CHD3: variants seen among roughly 807,000 people sequenced by gnomAD.
CHD3 encodes ATP-dependent chromatin remodeler CHD3.
Under a neutral mutation model 248.9 loss-of-function variants are expected in CHD3, and 52 were observed. The ratio of observed to expected loss-of-function variants is 0.21; its 90% CI spans 0.17 to 0.26. CHD3 has a LOEUF of 0.26. CHD3 is among the 10% of genes least tolerant of loss of function. The pLI is 1.00. For missense variants in CHD3, 1,482 were observed against 2,605.8 expected (o/e 0.57, Z 9.39); for synonymous variants, 985 against 985.2 (o/e 1.00, Z 0.00).
At chr17:7,902,841 T>G (rs1254761331) in intron 21 of CHD3, 96 bp from the exon 22 acceptor site, 1 of 1,581,808 alleles carries the variant, frequency 6.3e-7, no homozygotes, top group African/African-American at 1.4e-5. Flanking sequence ...AGGCTTTGAG[T>G]TGGGGGCATG....
intron 19 of CHD3, 94 bp from the exon 20 acceptor site, chr17:7,901,150 G>T: frequency 6.6e-7 from 1 of 1,522,608 alleles, no homozygotes; most frequent in Non-Finnish European, 8.8e-7. Context: ...ACATGTGGAA[G>T]CTGGATCCGG....
Position 7,904,750 on chromosome 17 carries a change from C to T in CHD3, c.4072+131C>T. On this transcript the variant is annotated intron_variant, in intron 25 of 39. Transcript: ENST00000330494. The surrounding 1 kb of genome is among the most constrained non-coding windows in gnomAD (Gnocchi z 4.4). ...GCCTTCCTCTGCTAAAAGGGAAAGA[C>T]ATAAGGTAGAGTCATTAGGAACTAC... 1.1e-6 allele frequency: 1 copy of T among 914,204 alleles called. No individual in the cohort carries two copies. Among genetic ancestry groups the T allele is most frequent in the South Asian group, 1.8e-5 (1 of 56,072 alleles). 56.6% of individuals were successfully genotyped at this position (914,204 alleles called of 1,614,324 possible). A position where few individuals can be genotyped will look rare whatever the true frequency, so the allele number is the denominator to read the frequency against.
In CHD3 at chr17:7,889,681, C is replaced by G. The variant is rs1481323439; in HGVS notation, c.118C>G (p.Leu40Val). 6.2e-7 allele frequency: 1 copy of G among 1,612,854 alleles called. No individual in the cohort carries two copies. Among genetic ancestry groups the G allele is most frequent in the East Asian group, 2.2e-5 (1 of 44,870 alleles). ...DRMPDKDDIR[L>V]LPSALGVKKR... ...CTTCAAAGATAAGGATGACATTCGG[C>G]TGCTGCCGTCAGCATTGGGTGTGAA... is the stretch of plus-strand genomic sequence containing the variant. Residue 40 changes from leucine (L) to valine (V), a missense_variant, in exon 2 of 40, where the codon CTG becomes GTG. Physicochemically the swap from Leu to Val is conservative, Grantham distance 32. Around this residue, in one of 20 missense-constraint regions of CHD3, gnomAD observed 169 missense variants for 168.1 expected, o/e 1.01. Transcript: ENST00000330494. This position sits in a 1 kb window ranked among gnomAD's most constrained non-coding sequence, Gnocchi z 4.5.
In CHD3 at chr17:7,907,498, T is replaced by A; in HGVS notation, c.4924+10T>A. 6.3e-7 allele frequency: 1 copy of A among 1,579,888 alleles called. No individual in the cohort carries two copies. The highest frequency in any genetic ancestry group is 8.6e-7 in the Non-Finnish European group (1 of 1,165,722). On this transcript the variant is annotated intron_variant, in intron 32 of 39. Transcript: ENST00000330494. This position sits in a 1 kb window ranked among gnomAD's most constrained non-coding sequence, Gnocchi z 4.3. ...GACAGAGAGAAGTCAGGTGGGTGCA[T>A]GGCCTTAGGAGTGATGGGGGATTAG... is the stretch of plus-strand genomic sequence containing the variant.
In CHD3 at chr17:7,909,580, C is replaced by T. The variant is rs1459681161; in HGVS notation, c.5590+242C>T. The T allele has an allele frequency of 6.9e-6, 4 of 576,922 alleles. No individual in the cohort carries two copies. The highest frequency in any genetic ancestry group is 3.3e-5 in the Admixed American group (1 of 29,936). 35.7% of individuals were successfully genotyped at this position (576,922 alleles called of 1,614,324 possible). On this transcript the variant is annotated intron_variant, in intron 37 of 39. Transcript: ENST00000330494. This position sits in a 1 kb window ranked among gnomAD's most constrained non-coding sequence, Gnocchi z 8.1. ...ATCCGTGCCCAATAGAGGGACCTGC[C>T]CCAGCCTCTGTGTCCCCTCCACACA...
In CHD3 at chr17:7,912,112, A is replaced by C. The variant is rs1187191719; in HGVS notation, c.*527A>C. 1.7e-5 allele frequency: 4 copies of C among 234,616 alleles called. No individual in the cohort carries two copies. Among genetic ancestry groups the C allele is most frequent in the Non-Finnish European group, 3.4e-5 (4 of 118,120 alleles). 14.5% of individuals were successfully genotyped at this position (234,616 alleles called of 1,614,324 possible). Reference sequence around the variant, plus strand: ...GGGTGGCTGCATGTTACCGTCCCCTACCTCTCCCCACGTGGAGGGTGGAGC... The same window carrying C: ...GGGTGGCTGCATGTTACCGTCCCCTCCCTCTCCCCACGTGGAGGGTGGAGC... On this transcript the variant is annotated 3_prime_UTR_variant, in exon 40 of 40. Transcript: ENST00000330494.
In CHD3 at chr17:7,894,467, G is replaced by A. The variant is rs769902460; in HGVS notation, c.1128G>A (p.Thr376=). 6.8e-6 allele frequency: 11 copies of A among 1,613,966 alleles called. No individual in the cohort carries two copies. The highest frequency in any genetic ancestry group is 6.7e-5 in the East Asian group (3 of 44,886). Residue 376 remains threonine, a synonymous_variant, in exon 8 of 40, where the codon ACG becomes ACA. Coordinates refer to ENST00000330494, the MANE Select transcript of CHD3 (RefSeq NM_001005273.3). ...AGEEEVDGYE[T]DHQDYCEVCQ... Reference sequence around the variant, plus strand: ...AGGAGGAGGTTGATGGCTACGAGACGGATCACCAGGATTACTGTGAGGTGT... The same window carrying A: ...AGGAGGAGGTTGATGGCTACGAGACAGATCACCAGGATTACTGTGAGGTGT...
rs1971792528 is a variant in CHD3, at chr17:7,912,728, T to C, written c.*1143T>C. The C allele has an allele frequency of 7.2e-6, 1 of 138,430 alleles. No individual in the cohort carries two copies. Among genetic ancestry groups the C allele is most frequent in the African/African-American group, 2.6e-5 (1 of 38,010 alleles). 8.6% of individuals were successfully genotyped at this position (138,430 alleles called of 1,614,324 possible). ...CCCTCTTCTGTATCAGGTTTATTGG[T>C]TGTACATATAAATTATACTTTCCTT... On this transcript the variant is annotated 3_prime_UTR_variant, in exon 40 of 40. Transcript: ENST00000330494.
rs1970658296 is a variant in CHD3, at chr17:7,904,312, T to C, written c.3895-130T>C. On this transcript the variant is annotated intron_variant, in intron 24 of 39. Transcript: ENST00000330494. The surrounding 1 kb of genome is among the most constrained non-coding windows in gnomAD (Gnocchi z 4.4). Reference sequence around the variant, plus strand: ...ACATGCGCAATGTCCAGAAAATGTATGCAGAGCCACGAAGCTGCAGGAGTG... The same window carrying C: ...ACATGCGCAATGTCCAGAAAATGTACGCAGAGCCACGAAGCTGCAGGAGTG... The C allele has an allele frequency of 2.5e-6, 2 of 804,528 alleles. No homozygotes were observed. The highest frequency in any genetic ancestry group is 2.5e-5 in the East Asian group (1 of 40,084). 49.8% of individuals were successfully genotyped at this position (804,528 alleles called of 1,614,324 possible). A position where few individuals can be genotyped will look rare whatever the true frequency, so the allele number is the denominator to read the frequency against.
rs756184325 is a variant in CHD3 at position 7,895,377 on chromosome 17, T to C, written c.1542T>C (p.His514=). 49 of 1,614,028 alleles carry C rather than the reference T, an allele frequency of 3.0e-5. No individual in the cohort carries two copies. In the African/African-American group the frequency reaches 3.3e-4, roughly 11 times the overall value. The part of the protein sequence containing the change: ...VLKGRVQKIL[H]WRWGEPPVAV... ...AGGGTCGAGTGCAGAAGATCCTACA[T>C]TGGCGGTGGGGGGAGCCACCTGTAG... The change falls in exon 10 of 40, where the codon CAT becomes CAC. Residue 514 remains histidine (H), a synonymous_variant. Coordinates refer to ENST00000330494, the MANE Select transcript of CHD3 (RefSeq NM_001005273.3). This position sits in a 1 kb window ranked among gnomAD's most constrained non-coding sequence, Gnocchi z 4.9.
Position 7,888,990 on chromosome 17 carries a change from T to C in CHD3, c.-11T>C. On this transcript the variant is annotated 5_prime_UTR_variant, in exon 1 of 40. Coordinates refer to ENST00000330494, the MANE Select transcript of CHD3 (RefSeq NM_001005273.3). Reference sequence around the variant, plus strand: ...AATATTTAGGTAATTGTGGAGACTTTCTCCTGTGTGATGAAGGCGGCAGAC... The same window carrying C: ...AATATTTAGGTAATTGTGGAGACTTCCTCCTGTGTGATGAAGGCGGCAGAC... 1 of 1,614,152 alleles carries C rather than the reference T, an allele frequency of 6.2e-7. No homozygotes were observed. The highest frequency in any genetic ancestry group is 1.3e-5 in the African/African-American group (1 of 75,024).
At chr17:7,891,803 G>A (rs530698232) in intron 4 of CHD3, among the ~76,000 whole-genome samples, 3 of 151,352 alleles carry the variant, frequency 2.0e-5, no homozygotes, top group African/African-American at 7.3e-5. Context: ...AAAGGTTGTA[G>A]TGAGCCGAGA....
Position 7,890,579 on chromosome 17 carries a change from G to A in CHD3, c.222G>A (p.Glu74=). The part of the protein sequence containing the change: ...KPRKRKKRDS[E]EEFGSERDEY... ...TTATTTCTTTCTCTTAGGACAGTGA[G>A]GAGGAATTTGGTTCTGAGCGAGATG... is the stretch of plus-strand genomic sequence containing the variant. Residue 74 remains glutamate, a synonymous_variant, in exon 3 of 40, where the codon GAG becomes GAA. Coordinates refer to ENST00000330494, the MANE Select transcript of CHD3 (RefSeq NM_001005273.3). 5 of 1,585,600 alleles carry A rather than the reference G, an allele frequency of 3.2e-6. No homozygotes were observed. The highest frequency in any genetic ancestry group is 4.3e-6 in the Non-Finnish European group (5 of 1,170,494).
In CHD3 at chr17:7,910,290, G is replaced by T. The variant is rs1041337600; in HGVS notation, c.5591-138G>T. The T allele has an allele frequency of 5.7e-6, 6 of 1,055,698 alleles. No homozygotes were observed. The African/African-American group carries it at 6.3e-5, about 11-fold the overall frequency. The allele number at this position is 1,055,698 out of a possible 1,614,324, so 65.4% of individuals were successfully genotyped here. On this transcript the variant is annotated intron_variant, in intron 37 of 39. Transcript: ENST00000330494. This position sits in a 1 kb window ranked among gnomAD's most constrained non-coding sequence, Gnocchi z 4.7. ...ACTTCTTTTACTTTCTTGATCTCTG[G>T]TTCTTTGACATCTGTGTTCTCCTCT...
In CHD3 at chr17:7,909,899, T is replaced by A. The variant is rs895992638; in HGVS notation, c.5591-529T>A. The A allele has an allele frequency of 5.1e-6, 1 of 195,028 alleles. No homozygotes were observed. The highest frequency in any genetic ancestry group is 1.1e-5 in the Non-Finnish European group (1 of 94,356). 12.1% of individuals were successfully genotyped at this position (195,028 alleles called of 1,614,324 possible). On this transcript the variant is annotated intron_variant, in intron 37 of 39. Transcript: ENST00000330494. This position sits in a 1 kb window ranked among gnomAD's most constrained non-coding sequence, Gnocchi z 8.1. Reference sequence around the variant, plus strand: ...TCTAACCATCTAATCCTGCCTGGTGTAGTCACTGACTCCTGGCCCCTTTGA... The same window carrying A: ...TCTAACCATCTAATCCTGCCTGGTGAAGTCACTGACTCCTGGCCCCTTTGA...
chr17:7,884,944 C>G (rs1259529362), upstream of CHD3: 17 of 1,389,970 alleles, frequency 1.2e-5, no homozygotes, highest in Non-Finnish European at 5.7e-6. Context: ...ATGAGGAGGA[C>G]GACGACGAGG....
At chr17:7,888,767 C>CT (rs1968386691), upstream of CHD3, 1 of 1,370,758 alleles carries the variant, frequency 7.3e-7, no homozygotes, top group Non-Finnish European at 9.4e-7. Context: ...AAGGCATATG[C>CT]TGGGTGTGTC....
upstream of CHD3, chr17:7,884,922 C>A: frequency 1.4e-6 from 2 of 1,414,038 alleles, no homozygotes; most frequent in South Asian, 1.5e-5. Context: ...GTGGAGGCGG[C>A]CGACGAGGAC....
chr17:7,894,714 G>T, intron 8 of CHD3, 106 bp downstream of exon 8: 1 of 1,350,460 alleles, frequency 7.4e-7, no homozygotes. Context: ...GGACTTCTTA[G>T]TAACAGATGT....
Sources: gnomAD v4.1 joint callset for allele counts (sites outside exome capture counted in the v4.1 genomes callset) on GRCh38, gnomAD v4.1.1 for gene constraint, gnomAD v4.1.1 regional missense constraint, Gnocchi (gnomAD v3.1) non-coding constraint, MANE v1.5 for transcripts, NCBI Gene and HGNC (gene_info 2026-07-23, HGNC 2026-07-21) for gene names.